The following TTC34 variants were observed in gnomAD, a reference collection of about 807,000 sequenced individuals.
TTC34 encodes tetratricopeptide repeat protein 34.
TTC34 carries 44 observed loss-of-function variants against 40.7 expected under a neutral mutation model. The ratio of observed to expected loss-of-function variants is 1.08; its 90% CI spans 0.85 to 1.39. TTC34 has a LOEUF of 1.39. Ranked by LOEUF, TTC34 falls within the 40% of genes most tolerant of loss-of-function variation. The pLI, the probability that TTC34 is intolerant of heterozygous loss-of-function variation, is 0.00. For missense variants in TTC34, 884 were observed against 838.0 expected (o/e 1.05, Z -0.68); for synonymous variants, 422 against 398.6 (o/e 1.06, Z -0.70).
rs1292627965 is a variant in TTC34 at position 2,760,542 on chromosome 1, A to G, written c.2226+23067T>C. ...ACCCACACCCCCAGGTGAGCATCTGACAGCCTGGAGCAGCACCCACACACC... is the reference window on the plus strand; with the variant it reads ...ACCCACACCCCCAGGTGAGCATCTGGCAGCCTGGAGCAGCACCCACACACC... On this transcript the variant is annotated intron_variant, in intron 6 of 8. Transcript: ENST00000401095. Among the ~76,000 whole-genome samples, 10 of 46,048 alleles carry G rather than the reference A, an allele frequency of 2.2e-4. 2 individuals are homozygous for G. Among genetic ancestry groups the G allele is most frequent in the South Asian group, 1.1e-3 (1 of 940 alleles). 30.2% of individuals were successfully genotyped at this position (46,048 alleles called of 152,430 possible).
At chr1:2,764,304 C>G (rs1433438773) in intron 6 of TTC34, among the ~76,000 whole-genome samples, 8 of 145,314 alleles carry the variant, frequency 5.5e-5, no homozygotes, top group African/African-American at 1.8e-4. Flanking sequence ...ACACACAACC[C>G]CAGGCGAGCA....
chr1:2,750,908 C>A (rs1641298170), intron 6 of TTC34, among the ~76,000 whole-genome samples: 1 of 109,756 alleles, frequency 9.1e-6, no homozygotes, highest in African/African-American at 4.2e-5. Context: ...CATCTGAACG[C>A]ACGGAGCAGC....
In TTC34 at chr1:2,645,424, A is replaced by AG; in HGVS notation, c.2365dup (p.Leu789ProfsTer170). ...CTCGAGAGGGGCCCCAGTGTCTGGCAGCTGGCTCAGAAGGGCCCGGCAGTG... is the reference window on the plus strand; with the variant it reads ...CTCGAGAGGGGCCCCAGTGTCTGGCAGGCTGGCTCAGAAGGGCCCGGCAGTG... On this transcript the variant is annotated frameshift_variant, in exon 7 of 9. Transcript: ENST00000401095. LOFTEE classifies it high-confidence loss of function. This position sits in a 1 kb window ranked among gnomAD's most constrained non-coding sequence, Gnocchi z 4.7. The AG allele has an allele frequency of 6.5e-7, 1 of 1,535,844 alleles. No individual in the cohort carries two copies. Among genetic ancestry groups the AG allele is most frequent in the Non-Finnish European group, 8.7e-7 (1 of 1,146,772 alleles).
chr1:2,774,964 CA>C (rs1379120351), intron 6 of TTC34: 5 of 101,516 alleles, frequency 4.9e-5, no homozygotes, highest in African/African-American at 3.8e-5. Context: ...GAGAATCTGA[CA>C]CCATAAAACA....
chr1:2,778,051 C>A (rs1435240926), intron 6 of TTC34, among the ~76,000 whole-genome samples: 3 of 152,248 alleles, frequency 2.0e-5, no homozygotes, highest in African/African-American at 7.2e-5. Context: ...GCATGTCTCC[C>A]TCCCTGGGGC....
chr1:2,757,666 C>G (rs1641551806), intron 6 of TTC34, among the ~76,000 whole-genome samples: 1 of 145,396 alleles, frequency 6.9e-6, no homozygotes, highest in African/African-American at 2.6e-5. Context: ...GAGCAGGACC[C>G]ACACCCCTAG....
At chr1:2,686,713 GCA>G (rs1415668102) in intron 6 of TTC34, among the ~76,000 whole-genome samples, 4 of 142,436 alleles carry the variant, frequency 2.8e-5, no homozygotes, top group Non-Finnish European at 1.5e-5. Context: ...GCCTGGAACA[GCA>G]CACACACCCC....
chr1:2,769,705 C>T (rs1420347607), intron 6 of TTC34, among the ~76,000 whole-genome samples: 3 of 148,110 alleles, frequency 2.0e-5, no homozygotes, highest in South Asian at 2.1e-4. Context: ...TGGAGCAGCA[C>T]CCACACCCCC....
intron 2 of TTC34, among the ~76,000 whole-genome samples, chr1:2,790,612 G>A (rs937640194): frequency 2.0e-5 from 3 of 152,230 alleles, no homozygotes; most frequent in Admixed American, 6.5e-5. Context: ...GCCTGCCAGC[G>A]ACACTGTGCT....
At chr1:2,769,701 A>T (rs1641988674) in intron 6 of TTC34, among the ~76,000 whole-genome samples, 1 of 144,170 alleles carries the variant, frequency 6.9e-6, no homozygotes, top group African/African-American at 2.7e-5. Flanking sequence ...AGTCTGGAGC[A>T]GCACCCACAC....
chr1:2,799,193 C>T (rs1038701206), intron 2 of TTC34, among the ~76,000 whole-genome samples: 2 of 152,224 alleles, frequency 1.3e-5, no homozygotes, highest in African/African-American at 4.8e-5. Context: ...AGGTCTTGTC[C>T]TTACTCTGGT....
At chr1:2,683,875 CCG>C (rs1640197412) in intron 6 of TTC34, among the ~76,000 whole-genome samples, 126 of 92,344 alleles carry the variant, frequency 1.4e-3, no homozygotes, top group Middle Eastern at 4.5e-3. Context: ...AACCCACACC[CCG>C]AGGCGAGCAT....
chr1:2,685,876 GCAC>G (rs1640314366), intron 6 of TTC34, among the ~76,000 whole-genome samples: 1 of 142,752 alleles, frequency 7.0e-6, no homozygotes, highest in South Asian at 2.3e-4. Flanking sequence ...ACAGCACCCT[GCAC>G]CCCCAGGTGA....
intron 6 of TTC34, among the ~76,000 whole-genome samples, chr1:2,683,758 A>T (rs1640190700): frequency 6.7e-6 from 1 of 149,944 alleles, no homozygotes; most frequent in Non-Finnish European, 1.5e-5. Flanking sequence ...CCACACCCCC[A>T]GGTGAGCATC....
At chr1:2,673,353 C>A (rs1466280811) in intron 6 of TTC34, among the ~76,000 whole-genome samples, 3 of 73,452 alleles carry the variant, frequency 4.1e-5, no homozygotes, top group African/African-American at 9.2e-5. Context: ...GCGGAACCCA[C>A]GGCCACAGGC....
At chr1:2,654,090 C>A (rs1476283300) in intron 6 of TTC34, among the ~76,000 whole-genome samples, 1 of 152,068 alleles carries the variant, frequency 6.6e-6, no homozygotes, top group East Asian at 1.9e-4. Context: ...GCACCCACAG[C>A]CCAAGGTGAG....
At chr1:2,769,675 C>G (rs1331969147) in intron 6 of TTC34, among the ~76,000 whole-genome samples, 1 of 137,324 alleles carries the variant, frequency 7.3e-6, no homozygotes, top group Non-Finnish European at 1.5e-5. Context: ...CCTACACCCC[C>G]AGGGGAGCAT....
rs1431080862 is a variant in TTC34 at position 2,796,464 on chromosome 1, G to A, written c.784+3580C>T. ...TGGATGCACAATTCTTAGGGCAGGT[G>A]TTCCCTGTACACACCAGAGCCACGG... On this transcript the variant is annotated intron_variant, in intron 2 of 8. Coordinates refer to ENST00000401095, the Ensembl canonical transcript of TTC34. This position sits in a 1 kb window ranked among gnomAD's most constrained non-coding sequence, Gnocchi z 4.5. Among the ~76,000 whole-genome samples the A allele has an allele frequency of 6.6e-6, 1 of 152,190 alleles. No individual in the cohort carries two copies. The highest frequency in any genetic ancestry group is 1.5e-5 in the Non-Finnish European group (1 of 68,036).
intron 6 of TTC34, among the ~76,000 whole-genome samples, chr1:2,688,337 TGA>T (rs1640466900): frequency 3.2e-5 from 4 of 126,794 alleles, no homozygotes; most frequent in African/African-American, 1.3e-4. Context: ...CACCCCCAGG[TGA>T]GCATCGGACA....
Sources: allele counts gnomAD v4.1 joint callset (sites outside exome capture counted in the v4.1 genomes callset), GRCh38; gene constraint gnomAD v4.1.1; non-coding constraint Gnocchi (gnomAD v3.1); transcripts MANE v1.5; gene names NCBI Gene and HGNC (gene_info 2026-07-23, HGNC 2026-07-21).